Variants in TENM2 observed in about 807,000 individuals in gnomAD.
TENM2 encodes the protein teneurin-2.
A neutral mutation model predicts 245.2 loss-of-function variants in TENM2; 52 were observed. The observed-to-expected ratio is 0.21, with a 90% confidence interval of 0.17 to 0.27. The LOEUF is 0.27. Among genes scored for constraint, TENM2 ranks in the 10% least tolerant of loss-of-function variants. The pLI is 1.00. For missense variants in TENM2, 3,046 were observed against 3,666.8 expected (o/e 0.83, Z 4.37); for synonymous variants, 1,363 against 1,438.9 (o/e 0.95, Z 1.19).
rs553047170 is a variant in TENM2, at chr5:168,150,680, G to C, written c.2423-11931G>C. 2.0e-5 allele frequency among the ~76,000 whole-genome samples: 3 copies of C among 152,312 alleles called. No homozygotes were observed. In the East Asian group the frequency reaches 5.8e-4, roughly 29 times the overall value. On this transcript the variant is annotated intron_variant, in intron 12 of 28. Coordinates refer to ENST00000518659, the Ensembl canonical transcript of TENM2. ...AAGGGAAATCTATATGGGAAATGAAGTTAAAAGCAGAAGATTTCTTGGGGA... is the reference window on the plus strand; with the variant it reads ...AAGGGAAATCTATATGGGAAATGAACTTAAAAGCAGAAGATTTCTTGGGGA...
At chr5:167,061,163 CAGTTAATGCTTATTTTA>C in the TENM2 span, among the ~76,000 whole-genome samples, 17 of 152,058 alleles carry the variant, frequency 1.1e-4, no homozygotes, top group African/African-American at 4.1e-4. Context: ...ATGTTAATCC[CAGTTAATGCTTATTTTA>C]TTGGAAGAGA....
chr5:168,070,285 T>C (rs1256101334), intron 7 of TENM2, among the ~76,000 whole-genome samples: 1 of 152,164 alleles, frequency 6.6e-6, no homozygotes, highest in East Asian at 1.9e-4. Flanking sequence ...TTTCCCTAAA[T>C]ATGATATAAA....
intron 2 of TENM2, chr5:167,755,086 T>G (rs746311223): frequency 6.3e-7 from 1 of 1,598,874 alleles, no homozygotes. Context: ...TCATTAGCGT[T>G]GCTGGCACAA....
At chr5:167,420,994 A>G (rs1167561117) in intron 2 of TENM2, among the ~76,000 whole-genome samples, 1 of 152,190 alleles carries the variant, frequency 6.6e-6, no homozygotes, top group Non-Finnish European at 1.5e-5. Context: ...ACAAGACTAA[A>G]CTAAATTAAT....
At chr5:168,095,322 G>C (rs570895983) in intron 8 of TENM2, among the ~76,000 whole-genome samples, 45 of 152,108 alleles carry the variant, frequency 3.0e-4, no homozygotes, top group African/African-American at 8.4e-4. Context: ...ACCCTCCCTT[G>C]TTTGCTACCC....
rs534853364 is a variant in TENM2 at position 168,088,182 on chromosome 5, G to A, written c.1516-2392G>A. 6 of 152,220 alleles carry A rather than the reference G, an allele frequency of 3.9e-5. No individual in the cohort carries two copies. The East Asian group carries it at 1.2e-3, about 29-fold the overall frequency. 9.4% of individuals were successfully genotyped at this position (152,220 alleles called of 1,614,324 possible). On this transcript the variant is annotated intron_variant, in intron 7 of 28. Coordinates refer to ENST00000518659, the Ensembl canonical transcript of TENM2. ...ACCTTCCCCAAACTCTTCCTCATGG[G>A]GATGATTACTTGGACCCGAAATGAA... is the stretch of plus-strand genomic sequence containing the variant.
intron 3 of TENM2, among the ~76,000 whole-genome samples, chr5:167,906,632 C>A (rs970872919): frequency 6.6e-6 from 1 of 152,230 alleles, no homozygotes; most frequent in African/African-American, 2.4e-5. Context: ...CATAGACCAT[C>A]TGATGAAGGC....
At chr5:168,193,306 G>T (rs1053030036) in intron 14 of TENM2, among the ~76,000 whole-genome samples, 2 of 152,146 alleles carry the variant, frequency 1.3e-5, no homozygotes, top group Non-Finnish European at 2.9e-5. Context: ...GAGTAAAAAA[G>T]AACTCGAAAA....
intron 2 of TENM2, among the ~76,000 whole-genome samples, chr5:167,794,029 A>T (rs1765157024): frequency 6.6e-6 from 1 of 151,862 alleles, no homozygotes; most frequent in Non-Finnish European, 1.5e-5. Flanking sequence ...TAGAAAAATG[A>T]TAGACAGTGA....
chr5:167,524,943 G>C (rs1318827743), intron 2 of TENM2, among the ~76,000 whole-genome samples: 1 of 151,888 alleles, frequency 6.6e-6, no homozygotes, highest in Non-Finnish European at 1.5e-5. Context: ...TAACACATCT[G>C]AAGTGGTGCC....
chr5:167,757,247 C>G (rs1027702537), intron 2 of TENM2, among the ~76,000 whole-genome samples: 1 of 151,634 alleles, frequency 6.6e-6, no homozygotes, highest in African/African-American at 2.4e-5. Flanking sequence ...CCCTTGCCTC[C>G]CACCCCCCAA....
chr5:167,776,189 A>ACACACACC (rs1196226221), intron 2 of TENM2, among the ~76,000 whole-genome samples: 4 of 151,474 alleles, frequency 2.6e-5, no homozygotes, highest in Admixed American at 6.6e-5. Flanking sequence ...ACACACACAC[A>ACACACACC]CAGAAGAGAA....
intron 2 of TENM2, among the ~76,000 whole-genome samples, chr5:167,440,275 A>C (rs1416276077): frequency 2.0e-5 from 3 of 152,228 alleles, no homozygotes; most frequent in African/African-American, 7.2e-5. Context: ...TAATACAATG[A>C]GTTTCCTGAG....
rs541208185 is a variant in TENM2 at position 167,484,225 on chromosome 5, A to G, written c.502+108752A>G. Among the ~76,000 whole-genome samples, 31 of 152,222 alleles carry G rather than the reference A, an allele frequency of 2.0e-4. No homozygotes were observed. In the South Asian group the frequency reaches 5.8e-3, roughly 29 times the overall value. On this transcript the variant is annotated intron_variant, in intron 2 of 28. Coordinates refer to ENST00000518659, the Ensembl canonical transcript of TENM2. ...CAGGGCTTGGTGGCGGGAACCTGCA[A>G]TCCTAGCTACTCGGGAGGCTGAGGC... is the stretch of plus-strand genomic sequence containing the variant.
At chr5:167,507,625 A>G (rs72829393) in intron 2 of TENM2, among the ~76,000 whole-genome samples, 3,749 of 152,244 alleles carry the variant, frequency 0.025, 68 homozygotes, top group Non-Finnish European at 0.038. Flanking sequence ...TGTCATGAGT[A>G]ATAATGGCTT....
chr5:167,228,753 G>C, the TENM2 span, among the ~76,000 whole-genome samples: 24 of 150,872 alleles, frequency 1.6e-4, no homozygotes, highest in Admixed American at 1.3e-3. Flanking sequence ...CGCCCAGGCT[G>C]GAGTTCAGTG....
At chr5:168,207,333 C>A (rs1478136910) in intron 19 of TENM2, among the ~76,000 whole-genome samples, 1 of 152,140 alleles carries the variant, frequency 6.6e-6, no homozygotes, top group East Asian at 1.9e-4. Flanking sequence ...CCACGTCTCT[C>A]GAGTTGTGGA....
At chr5:167,455,455 G>T (rs370711116) in intron 2 of TENM2, among the ~76,000 whole-genome samples, 2 of 141,834 alleles carry the variant, frequency 1.4e-5, no homozygotes, top group Non-Finnish European at 3.0e-5. Flanking sequence ...TGTATGTGTA[G>T]TTTTTTTTTT....
the TENM2 span, among the ~76,000 whole-genome samples, chr5:167,190,258 T>C: frequency 5.3e-5 from 8 of 152,072 alleles, no homozygotes; most frequent in Non-Finnish European, 8.8e-5. Flanking sequence ...ATTTTTAAGA[T>C]ATGGCAGGGG....
Sources: gnomAD v4.1 joint callset for allele counts (sites outside exome capture counted in the v4.1 genomes callset) on GRCh38, gnomAD v4.1.1 for gene constraint, MANE v1.5 for transcripts, NCBI Gene and HGNC (gene_info 2026-07-23, HGNC 2026-07-21) for gene names.